The following SRGAP1 variants were observed in gnomAD, a reference collection of about 807,000 sequenced individuals.
SRGAP1 encodes SLIT-ROBO Rho GTPase activating protein 1.
Under a neutral mutation model 121.9 loss-of-function variants are expected in SRGAP1, and 43 were observed. The observed-to-expected ratio is 0.35, with a 90% CI of 0.28 to 0.46. The LOEUF (loss-of-function observed/expected upper bound fraction) is 0.46, where lower values mean the gene tolerates loss of function less well. SRGAP1 is among the 20% of genes least tolerant of loss of function. SRGAP1 has a pLI of 1.00. For missense variants in SRGAP1, 1,102 were observed against 1,350.9 expected (o/e 0.82, Z 2.89); for synonymous variants, 447 against 485.4 (o/e 0.92, Z 1.04).
chr12:63,921,112 C>T (rs1403660593), intron 1 of SRGAP1, among the ~76,000 whole-genome samples: 2 of 152,138 alleles, frequency 1.3e-5, no homozygotes, highest in African/African-American at 4.8e-5. Context: ...TAATATCTCC[C>T]CCTAGCTTGT....
chr12:63,999,932 T>C (rs981025629), intron 3 of SRGAP1, among the ~76,000 whole-genome samples: 76 of 152,040 alleles, frequency 5.0e-4, no homozygotes, highest in African/African-American at 1.6e-3. Flanking sequence ...CTGTATCCTA[T>C]AAAATGACTG....
intron 18 of SRGAP1, among the ~76,000 whole-genome samples, chr12:64,121,549 C>A (rs564234771): frequency 1.1e-4 from 16 of 152,266 alleles, no homozygotes; most frequent in Admixed American, 1.0e-3. Context: ...GCCACCATGC[C>A]CAGCCTGTGA....
intron 1 of SRGAP1, among the ~76,000 whole-genome samples, chr12:63,911,021 C>CAGG (rs1421663091): frequency 6.6e-6 from 1 of 152,060 alleles, no homozygotes; most frequent in African/African-American, 2.4e-5. Flanking sequence ...ACACTTTGGC[C>CAGG]AGGTGCGGTG....
chr12:63,933,798 TTAATAAC>T (rs1189958859), intron 1 of SRGAP1, among the ~76,000 whole-genome samples: 1 of 152,186 alleles, frequency 6.6e-6, no homozygotes, highest in Non-Finnish European at 1.5e-5. Context: ...TCATAAAACT[TTAATAAC>T]TAGTCCCAGG....
chr12:63,862,062 A>G (rs1899472883), intron 1 of SRGAP1, among the ~76,000 whole-genome samples: 1 of 152,190 alleles, frequency 6.6e-6, no homozygotes, highest in South Asian at 2.1e-4. Context: ...AGGAGGTTGC[A>G]GTGAGCCGAG....
In SRGAP1 at chr12:63,847,885, C is replaced by T. The variant is rs149418454; in HGVS notation, c.67+3002C>T. Among the ~76,000 whole-genome samples, 30 of 151,696 alleles carry T rather than the reference C, an allele frequency of 2.0e-4. No individual in the cohort carries two copies. The East Asian group carries it at 5.4e-3, about 27-fold the overall frequency. ...GAACCTAACACTCTAGAATATTTTC[C>T]CCTGTTACTCTCTCCCATTTTCCCT... On this transcript the variant is annotated intron_variant, in intron 1 of 21. Coordinates refer to ENST00000355086, the MANE Select transcript of SRGAP1 (RefSeq NM_020762.4).
intron 8 of SRGAP1, among the ~76,000 whole-genome samples, chr12:64,076,503 A>C (rs2035740842): frequency 6.6e-6 from 1 of 152,220 alleles, no homozygotes; most frequent in Non-Finnish European, 1.5e-5. Context: ...TAGAGCTAAA[A>C]AATAAATCAT....
chr12:64,034,018 A>C (rs1433322936), intron 4 of SRGAP1, among the ~76,000 whole-genome samples: 1 of 152,110 alleles, frequency 6.6e-6, no homozygotes, highest in Non-Finnish European at 1.5e-5. Flanking sequence ...ACAGAGTGAG[A>C]CTCTGTCTCA....
intron 1 of SRGAP1, among the ~76,000 whole-genome samples, chr12:63,876,840 C>T (rs79058239): frequency 0.021 from 3,162 of 152,264 alleles, 115 homozygotes; most frequent in African/African-American, 0.073. Flanking sequence ...TCCTTATCTT[C>T]TTGGAAATTA....
intron 2 of SRGAP1, 147 bp from the exon 3 acceptor site, chr12:63,989,763 A>G: frequency 1.7e-6 from 1 of 589,368 alleles, no homozygotes; most frequent in Non-Finnish European, 3.0e-6. Flanking sequence ...GCTGGCTGAT[A>G]AGTGTCCTGG....
intron 1 of SRGAP1, among the ~76,000 whole-genome samples, chr12:63,941,756 T>C (rs578016049): frequency 9.9e-5 from 15 of 152,260 alleles, no homozygotes; most frequent in African/African-American, 3.6e-4. Flanking sequence ...GACTGATATA[T>C]TACATTTTGT....
chr12:64,003,002 TG>T (rs144156186), intron 3 of SRGAP1, among the ~76,000 whole-genome samples: 9 of 132,236 alleles, frequency 6.8e-5, no homozygotes, highest in East Asian at 4.6e-4. Flanking sequence ...ACAAAGATCT[TG>T]GGGGGGGTGT....
intron 4 of SRGAP1, among the ~76,000 whole-genome samples, 155 bp downstream of exon 4, chr12:64,017,167 A>G (rs1247402353): frequency 6.6e-6 from 1 of 152,178 alleles, no homozygotes; most frequent in Non-Finnish European, 1.5e-5. Context: ...ACACAGCTAC[A>G]TTCCTTCGCC....
intron 3 of SRGAP1, among the ~76,000 whole-genome samples, chr12:64,014,618 C>T (rs1047757561): frequency 2.0e-5 from 3 of 148,914 alleles, no homozygotes; most frequent in African/African-American, 2.5e-5. Context: ...TTAAAATAAA[C>T]GTTAAATAAA....
At chr12:63,851,765 CT>C (rs1899082847) in intron 1 of SRGAP1, among the ~76,000 whole-genome samples, 1 of 151,740 alleles carries the variant, frequency 6.6e-6, no homozygotes, top group Non-Finnish European at 1.5e-5. Context: ...CAGAGTTTTA[CT>C]GTGTTGGCCA....
At chr12:64,127,341 G>A (rs1049273166) in intron 19 of SRGAP1, among the ~76,000 whole-genome samples, 1 of 152,144 alleles carries the variant, frequency 6.6e-6, no homozygotes, top group Non-Finnish European at 1.5e-5. Flanking sequence ...AGTTGTCTCT[G>A]GATGTTATAT....
At chr12:64,095,624 G>GC (rs2036142103) in intron 14 of SRGAP1, among the ~76,000 whole-genome samples, 1 of 152,072 alleles carries the variant, frequency 6.6e-6, no homozygotes, top group African/African-American at 2.4e-5. Context: ...TGTGACCCTA[G>GC]GGGGTGCCTT....
intron 1 of SRGAP1, among the ~76,000 whole-genome samples, chr12:63,883,056 C>T (rs1176358146): frequency 6.6e-6 from 1 of 152,238 alleles, no homozygotes; most frequent in African/African-American, 2.4e-5. Context: ...CTGCCAAGCT[C>T]ACAGCTGCCT....
chr12:63,936,321 G>A (rs549912062), intron 1 of SRGAP1, among the ~76,000 whole-genome samples: 1 of 152,266 alleles, frequency 6.6e-6, no homozygotes, highest in Admixed American at 6.5e-5. Flanking sequence ...TCAGAGACAA[G>A]TTGCCTCCCC....
Sources: gnomAD v4.1 joint callset for allele counts (sites outside exome capture counted in the v4.1 genomes callset) on GRCh38, gnomAD v4.1.1 for gene constraint, MANE v1.5 for transcripts, NCBI Gene and HGNC (gene_info 2026-07-23, HGNC 2026-07-21) for gene names.